The following ADGRA1 variants were observed in gnomAD, a reference collection of about 807,000 sequenced individuals.
The protein encoded by ADGRA1 is G-protein coupled receptor 123.
In ADGRA1, 12 loss-of-function variants were observed where a neutral mutation model predicts 21.3. That is an observed-to-expected ratio of 0.56 (90% confidence interval 0.36 to 0.91). The LOEUF (loss-of-function observed/expected upper bound fraction) is 0.91, where lower values mean the gene tolerates loss of function less well. Among genes scored for constraint, ADGRA1 ranks in the 40% least tolerant of loss-of-function variants. The pLI is 0.01. For missense variants in ADGRA1, 790 were observed against 805.6 expected (o/e 0.98, Z 0.23); for synonymous variants, 385 against 368.8 (o/e 1.04, Z -0.50).
intron 5 of ADGRA1, among the ~76,000 whole-genome samples, chr10:133,120,731 A>G (rs1409872469): frequency 1.3e-5 from 2 of 152,230 alleles, no homozygotes; most frequent in African/African-American, 4.8e-5. Flanking sequence ...CACATCAGCC[A>G]TGAGGCTGTT....
At chr10:133,118,679 C>T (rs868078619) in intron 5 of ADGRA1, among the ~76,000 whole-genome samples, 3 of 152,214 alleles carry the variant, frequency 2.0e-5, no homozygotes, top group Non-Finnish European at 2.9e-5. Context: ...CTGATCCAGT[C>T]ACCTCCCACC....
At chr10:133,111,183 C>G (rs1055797539) in intron 5 of ADGRA1, among the ~76,000 whole-genome samples, 1 of 30,526 alleles carries the variant, frequency 3.3e-5, no homozygotes, top group Non-Finnish European at 5.4e-5. Flanking sequence ...CCGTGAGCAC[C>G]TCCCTCCTAA....
At chr10:133,098,382 G>T (rs1401482970) in intron 3 of ADGRA1, among the ~76,000 whole-genome samples, 1 of 152,188 alleles carries the variant, frequency 6.6e-6, no homozygotes, top group Non-Finnish European at 1.5e-5. Flanking sequence ...AAGGGATTAG[G>T]TTGTTCAGGC....
At chr10:133,112,718 G>A (rs12359957) in intron 5 of ADGRA1, among the ~76,000 whole-genome samples, 15,099 of 63,268 alleles carry the variant, frequency 0.24, 520 homozygotes, top group East Asian at 0.31. Context: ...TGGGGTCTGC[G>A]GGCCGCGTCG....
rs556080206 is a variant in ADGRA1, at chr10:133,115,406, G to A, written c.402-11827G>A. Among the ~76,000 whole-genome samples, 7 of 152,344 alleles carry A rather than the reference G, an allele frequency of 4.6e-5. No individual in the cohort carries two copies. In the South Asian group the frequency reaches 1.2e-3, roughly 27 times the overall value. Reference sequence around the variant, plus strand: ...GGAAACCGACAAGGCCTCTGCACCTGTGAAAGCCGGGCCCTGGATCTGGCC... The same window carrying A: ...GGAAACCGACAAGGCCTCTGCACCTATGAAAGCCGGGCCCTGGATCTGGCC... On this transcript the variant is annotated intron_variant, in intron 5 of 6. Transcript: ENST00000392607.
At chr10:133,097,495 A>C (rs1352438679) in intron 3 of ADGRA1, among the ~76,000 whole-genome samples, 1 of 152,206 alleles carries the variant, frequency 6.6e-6, no homozygotes, top group Non-Finnish European at 1.5e-5. Context: ...GAGGGTGTCC[A>C]GCCGCAGTCA....
At chr10:133,108,739 C>T (rs376155801) in intron 5 of ADGRA1, among the ~76,000 whole-genome samples, 1 of 152,120 alleles carries the variant, frequency 6.6e-6, no homozygotes, top group Non-Finnish European at 1.5e-5. Flanking sequence ...CCTCCTGATG[C>T]CTCCCTCAGA....
intron 5 of ADGRA1, among the ~76,000 whole-genome samples, chr10:133,117,720 T>A (rs1255438369): frequency 1.3e-5 from 2 of 152,252 alleles, no homozygotes; most frequent in African/African-American, 4.8e-5. Context: ...TCTGCACACG[T>A]GACCTCAGTG....
chr10:133,089,398 G>A (rs183229128), intron 2 of ADGRA1, among the ~76,000 whole-genome samples: 15 of 152,234 alleles, frequency 9.9e-5, no homozygotes, highest in Non-Finnish European at 2.9e-5. Flanking sequence ...GAAGGCGGCC[G>A]CGCACACGGC....
chr10:133,127,110 TCTC>T (rs1257147914), intron 5 of ADGRA1, 120 bp from the exon 6 acceptor site: 3 of 564,782 alleles, frequency 5.3e-6, no homozygotes, highest in Non-Finnish European at 5.9e-6. Flanking sequence ...GGGTTCTTGG[TCTC>T]CTCCTGCTCC....
At position 133,128,552 on chromosome 10, in the gene ADGRA1, G is replaced by A. The variant is rs370616856; in HGVS notation, c.724G>A (p.Gly242Ser). The A allele has an allele frequency of 7.5e-5, 117 of 1,555,030 alleles. No individual in the cohort carries two copies. The highest frequency in any genetic ancestry group is 1.3e-4 in the Admixed American group (7 of 52,762). ...PGTPPAHDAP[G>S]ASVLQNEHSF... ...CACCCCACCCGCACACGATGCCCCC[G>A]GCGCCTCCGTGCTGCAGAACGAGCA... is the stretch of plus-strand genomic sequence containing the variant. Residue 242 changes from glycine to serine, a missense_variant, in exon 7 of 7, where the codon GGC becomes AGC. By Grantham distance (56) the Gly-to-Ser change is moderately conservative. Around this residue, in one of 3 missense-constraint regions of ADGRA1, gnomAD observed 382 missense variants for 415.6 expected, o/e 0.92. Transcript: ENST00000392607.
intron 2 of ADGRA1, among the ~76,000 whole-genome samples, chr10:133,091,387 G>GA (rs1851593878): frequency 1.3e-5 from 2 of 152,306 alleles, no homozygotes; most frequent in Non-Finnish European, 2.9e-5. Flanking sequence ...GTTGCTGTGG[G>GA]ATATGGTGTG....
intron 5 of ADGRA1, among the ~76,000 whole-genome samples, chr10:133,110,684 C>A (rs1018422683): frequency 5.9e-5 from 9 of 152,322 alleles, no homozygotes; most frequent in Admixed American, 2.6e-4. Context: ...ATATTATGCA[C>A]CCTGAGCTGA....
At chr10:133,102,508 G>C (rs146797992) in intron 4 of ADGRA1, among the ~76,000 whole-genome samples, 189 bp from the exon 5 acceptor site, 1 of 152,216 alleles carries the variant, frequency 6.6e-6, no homozygotes, top group African/African-American at 2.4e-5. Context: ...GCCGCTCAAG[G>C]GTCTCTGCAG....
intron 5 of ADGRA1, among the ~76,000 whole-genome samples, chr10:133,116,410 G>A (rs1004624594): frequency 1.0e-4 from 15 of 145,858 alleles, no homozygotes; most frequent in Middle Eastern, 3.5e-3. Context: ...CTTTGTCAGC[G>A]CCCCACCCCC....
chr10:133,124,972 G>T (rs554485058), intron 5 of ADGRA1, among the ~76,000 whole-genome samples: 21 of 152,280 alleles, frequency 1.4e-4, no homozygotes, highest in Middle Eastern at 3.4e-3. Flanking sequence ...GTGCGCCGTG[G>T]GTCCGTCCTG....
chr10:133,122,840 C>G (rs1852299249), intron 5 of ADGRA1, among the ~76,000 whole-genome samples: 1 of 151,956 alleles, frequency 6.6e-6, no homozygotes, highest in Non-Finnish European at 1.5e-5. Context: ...TCCCCAGGCA[C>G]ACGCGTCCCC....
intron 5 of ADGRA1, among the ~76,000 whole-genome samples, chr10:133,126,369 G>A (rs1279354416): frequency 6.6e-6 from 1 of 152,230 alleles, no homozygotes; most frequent in Non-Finnish European, 1.5e-5. Context: ...ACCAGACACA[G>A]GCCACCCCCT....
At chr10:133,099,705 C>T (rs988593997) in intron 4 of ADGRA1, among the ~76,000 whole-genome samples, 8 of 152,282 alleles carry the variant, frequency 5.3e-5, no homozygotes, top group South Asian at 4.1e-4. Flanking sequence ...GCCACAGCTC[C>T]GGGGCGGCTC....
Sources: allele counts gnomAD v4.1 joint callset (sites outside exome capture counted in the v4.1 genomes callset), GRCh38; gene constraint gnomAD v4.1.1; regional missense constraint gnomAD v4.1.1; transcripts MANE v1.5; gene names NCBI Gene and HGNC (gene_info 2026-07-23, HGNC 2026-07-21).